SLC28A1: variants seen among roughly 807,000 people sequenced by gnomAD.
The protein encoded by SLC28A1 is solute carrier family 28 member 1, also known as sodium/nucleoside cotransporter 1.
In SLC28A1, 64 loss-of-function variants were observed where a neutral mutation model predicts 74.8. The ratio of observed to expected loss-of-function variants is 0.86; its 90% confidence interval spans 0.70 to 1.05. The LOEUF is 1.05. SLC28A1 is among the 50% of genes least tolerant of loss of function. The pLI, the probability that SLC28A1 is intolerant of heterozygous loss-of-function variation, is 0.00. For synonymous variants in SLC28A1, 359 were observed against 335.0 expected (o/e 1.07, Z -0.78); for missense variants, 828 against 822.8 (o/e 1.01, Z -0.08).
intron 1 of SLC28A1, chr15:84,886,054 G>A (rs1005180880): frequency 2.3e-5 from 17 of 739,320 alleles, no homozygotes; most frequent in Non-Finnish European, 2.6e-5. Context: ...TGTGAATCCC[G>A]TCAGATGAGT....
intron 6 of SLC28A1, among the ~76,000 whole-genome samples, chr15:84,898,450 G>A (rs1452556891): frequency 6.6e-6 from 1 of 152,014 alleles, no homozygotes. Context: ...GTGGTGGCGG[G>A]CGCCTGTAGT....
intron 7 of SLC28A1, 147 bp downstream of exon 7, chr15:84,904,385 G>A (rs1399980178): frequency 8.4e-7 from 1 of 1,184,640 alleles, no homozygotes; most frequent in East Asian, 2.3e-5. Flanking sequence ...GTGTGTATCA[G>A]GATAGGCTTC....
At chr15:84,960,460 G>T in the SLC28A1 span, among the ~76,000 whole-genome samples, 6 of 151,846 alleles carry the variant, frequency 4.0e-5, no homozygotes, top group African/African-American at 1.5e-4. Flanking sequence ...GTTGCACTAT[G>T]TTGCCCAGGC....
At chr15:84,928,573 TC>T (rs1970821639) in intron 12 of SLC28A1, among the ~76,000 whole-genome samples, 10 of 26,302 alleles carry the variant, frequency 3.8e-4, no homozygotes, top group African/African-American at 2.8e-3. Context: ...TTTCTTTCTT[TC>T]TTTCTTTCTT....
At chr15:84,908,915 C>T (rs1181344946) in intron 9 of SLC28A1, 120 bp downstream of exon 9, 16 of 819,216 alleles carry the variant, frequency 2.0e-5, no homozygotes, top group Admixed American at 3.9e-5. Flanking sequence ...GGGCAGAGGT[C>T]GCCGTACTGG....
the SLC28A1 span, among the ~76,000 whole-genome samples, chr15:84,957,748 A>G: frequency 1.3e-5 from 2 of 152,248 alleles, no homozygotes; most frequent in Non-Finnish European, 2.9e-5. Context: ...ATCAGGAAGT[A>G]TGAGTCTTCC....
chr15:84,963,667 AG>A, the SLC28A1 span, among the ~76,000 whole-genome samples: 2 of 152,166 alleles, frequency 1.3e-5, no homozygotes, highest in African/African-American at 4.8e-5. Flanking sequence ...ACACCAGGCC[AG>A]TCCATGATGG....
intron 6 of SLC28A1, 169 bp downstream of exon 6, chr15:84,895,292 T>C (rs1965863055): frequency 2.5e-6 from 4 of 1,590,646 alleles, no homozygotes; most frequent in Non-Finnish European, 3.5e-6. Context: ...AGCAGCATCT[T>C]TGTGGTGTTT....
chr15:84,889,822 TCTTG>T (rs1259100918), intron 4 of SLC28A1, among the ~76,000 whole-genome samples: 5 of 151,078 alleles, frequency 3.3e-5, no homozygotes, highest in Admixed American at 2.0e-4. Flanking sequence ...TCTCTTTCTT[TCTTG>T]CTTGCTTGCT....
chr15:84,940,779 C>G (rs111986626), intron 15 of SLC28A1: 138 of 196,510 alleles, frequency 7.0e-4, no homozygotes, highest in African/African-American at 3.0e-3. Context: ...AACGGATAGG[C>G]TGGGATGTTC....
Position 84,945,696 on chromosome 15 carries a change from C to A in SLC28A1, c.*496C>A, listed in dbSNP as rs2079179377. The A allele has an allele frequency of 4.4e-6, 1 of 226,176 alleles. No homozygotes were observed. The highest frequency in any genetic ancestry group is 2.2e-5 in the African/African-American group (1 of 44,468). 14.0% of individuals were successfully genotyped at this position (226,176 alleles called of 1,614,324 possible). A position where few individuals can be genotyped will look rare whatever the true frequency, so the allele number is the denominator to read the frequency against. ...GCCTTTCCTCAGAGTGCTTCCCAAACTGAGGTCCCATGGCACACTGTCCTG... is the reference window on the plus strand; with the variant it reads ...GCCTTTCCTCAGAGTGCTTCCCAAAATGAGGTCCCATGGCACACTGTCCTG... On this transcript the variant is annotated 3_prime_UTR_variant, in exon 19 of 19. Transcript: ENST00000394573.
At chr15:84,914,351 AT>A (rs1201104187) in intron 9 of SLC28A1, among the ~76,000 whole-genome samples, 1 of 152,184 alleles carries the variant, frequency 6.6e-6, no homozygotes, top group Non-Finnish European at 1.5e-5. Context: ...TTTGGTTTCA[AT>A]ATATGAATTT....
intron 9 of SLC28A1, 69 bp downstream of exon 9, chr15:84,908,864 C>T (rs2305365): frequency 0.25 from 334,066 of 1,326,460 alleles, 45,446 homozygotes; most frequent in South Asian, 0.42. Flanking sequence ...AGAGGGGAGT[C>T]TGGGCATGGT....
intron 4 of SLC28A1, among the ~76,000 whole-genome samples, chr15:84,889,659 TC>T (rs1439386015): frequency 2.0e-4 from 26 of 132,876 alleles, no homozygotes; most frequent in African/African-American, 6.0e-4. Context: ...CTTTTTCTTT[TC>T]TTTCCTTCCT....
chr15:84,906,573 TCTTCCTTCCTTCCTTC>T (rs71135327), intron 8 of SLC28A1, among the ~76,000 whole-genome samples: 11,199 of 98,050 alleles, frequency 0.11, 783 homozygotes, highest in Admixed American at 0.17. Context: ...TCTCTTTCTT[TCTTCCTTCCTTCCTTC>T]CTTCCTTCCT....
At position 84,888,726 on chromosome 15, in the gene SLC28A1, G is replaced by T. The variant is rs541757744; in HGVS notation, c.97-46G>T. 2.2e-6 allele frequency: 3 copies of T among 1,393,306 alleles called. No individual in the cohort carries two copies. The East Asian group carries it at 7.5e-5, about 35-fold the overall frequency. 86.3% of individuals were successfully genotyped at this position (1,393,306 alleles called of 1,614,324 possible). A position where few individuals can be genotyped will look rare whatever the true frequency, so the allele number is the denominator to read the frequency against. ...CGACCCCCAGCTGTAAGTTCCTGGGGGTGGGTAAGGGGCAGGCCGACCTGA... is the reference window on the plus strand; with the variant it reads ...CGACCCCCAGCTGTAAGTTCCTGGGTGTGGGTAAGGGGCAGGCCGACCTGA... On this transcript the variant is annotated intron_variant, in intron 3 of 18. Coordinates refer to ENST00000394573, the MANE Select transcript of SLC28A1 (RefSeq NM_004213.5).
In SLC28A1 at chr15:84,929,543, C is replaced by CA. The variant is rs58184497; in HGVS notation, c.1084-3585dup. On this transcript the variant is annotated intron_variant, in intron 12 of 18. Coordinates refer to ENST00000394573, the MANE Select transcript of SLC28A1 (RefSeq NM_004213.5). ...TGAGCAACACAGCAAGACTCTGTTT[C>CA]AAAAAAAAAAAAAAAAATGTGGCTT... Among the ~76,000 whole-genome samples the CA allele has an allele frequency of 7.0e-3, 1,008 of 144,608 alleles. 13 individuals are homozygous for CA. The highest frequency in any genetic ancestry group is 0.024 in the African/African-American group (945 of 39,160). 94.9% of individuals were successfully genotyped at this position (144,608 alleles called of 152,430 possible).
At chr15:84,960,724 A>G in the SLC28A1 span, among the ~76,000 whole-genome samples, 2 of 152,176 alleles carry the variant, frequency 1.3e-5, no homozygotes, top group Non-Finnish European at 2.9e-5. Flanking sequence ...TTTTGCAGTA[A>G]TAGGTGCCTC....
chr15:84,946,671 T>C (rs2079243105), downstream of SLC28A1, among the ~76,000 whole-genome samples: 2 of 152,128 alleles, frequency 1.3e-5, no homozygotes, highest in African/African-American at 4.8e-5. Flanking sequence ...GGCCTCTCTG[T>C]TGGGCTGCTG....
Sources: gnomAD v4.1 joint callset for allele counts (sites outside exome capture counted in the v4.1 genomes callset) on GRCh38, gnomAD v4.1.1 for gene constraint, MANE v1.5 for transcripts, NCBI Gene and HGNC (gene_info 2026-07-23, HGNC 2026-07-21) for gene names.